PLEKHM3: variants seen among roughly 807,000 people sequenced by gnomAD.
PLEKHM3 encodes the protein pleckstrin homology domain-containing family M member 3.
PLEKHM3 carries 45 observed loss-of-function variants against 81.8 expected under a neutral mutation model. The observed-to-expected ratio is 0.55, with a 90% CI of 0.43 to 0.71. The LOEUF (loss-of-function observed/expected upper bound fraction) is 0.71. Ranked by LOEUF, PLEKHM3 falls within the 30% of genes least tolerant of loss-of-function variation. The pLI is 0.00. For missense variants in PLEKHM3, 788 were observed against 924.3 expected (o/e 0.85, Z 1.91); for synonymous variants, 352 against 356.4 (o/e 0.99, Z 0.14).
chr2:207,988,488 T>C (rs1353009130), intron 2 of PLEKHM3, among the ~76,000 whole-genome samples: 1 of 152,230 alleles, frequency 6.6e-6, no homozygotes, highest in African/African-American at 2.4e-5. Flanking sequence ...CAACAGATGT[T>C]TTCTGTTTCA....
chr2:207,861,454 T>C (rs1173349854), intron 6 of PLEKHM3, among the ~76,000 whole-genome samples, 192 bp from the exon 7 acceptor site: 1 of 152,120 alleles, frequency 6.6e-6, no homozygotes, highest in Non-Finnish European at 1.5e-5. Flanking sequence ...CCACTGGAGG[T>C]TGTAAATTAA....
At chr2:208,015,365 A>G (rs1204970808) in intron 1 of PLEKHM3, among the ~76,000 whole-genome samples, 3 of 152,152 alleles carry the variant, frequency 2.0e-5, no homozygotes, top group Admixed American at 1.3e-4. Context: ...AGTGTCAAAC[A>G]CCAGCAACTT....
At chr2:208,006,911 CCTAA>C (rs1164277396) in intron 1 of PLEKHM3, among the ~76,000 whole-genome samples, 1 of 152,180 alleles carries the variant, frequency 6.6e-6, no homozygotes, top group Admixed American at 6.5e-5. Context: ...ATCGCTATTT[CCTAA>C]CTAAGAAATC....
At position 207,833,917 on chromosome 2, in the gene PLEKHM3, G is replaced by A. The variant is rs76659496; in HGVS notation, c.2109-5421C>T. On this transcript the variant is annotated intron_variant, in intron 7 of 7. Transcript: ENST00000427836. ...TTATTCATTTAACTTTCACAAGTACGTATTTTAAACACATCATTTGATTAA... is the reference window on the plus strand; with the variant it reads ...TTATTCATTTAACTTTCACAAGTACATATTTTAAACACATCATTTGATTAA... Among the ~76,000 whole-genome samples the A allele has an allele frequency of 2.4e-3, 371 of 152,242 alleles. 3 individuals carry two copies. Among genetic ancestry groups the A allele is most frequent in the African/African-American group, 7.9e-3 (327 of 41,538 alleles).
intron 3 of PLEKHM3, among the ~76,000 whole-genome samples, chr2:207,958,777 G>A (rs1041221997): frequency 2.0e-5 from 3 of 152,154 alleles, no homozygotes; most frequent in African/African-American, 4.8e-5. Flanking sequence ...AGGCATGGTG[G>A]CACACGCCTA....
At chr2:207,986,074 C>T (rs529398110) in intron 2 of PLEKHM3, among the ~76,000 whole-genome samples, 9 of 151,872 alleles carry the variant, frequency 5.9e-5, no homozygotes, top group South Asian at 4.2e-4. Context: ...CTGGGCTGCC[C>T]GGGTCAGAAT....
At chr2:207,887,912 T>C (rs892705111) in intron 6 of PLEKHM3, among the ~76,000 whole-genome samples, 11 of 152,214 alleles carry the variant, frequency 7.2e-5, no homozygotes, top group African/African-American at 1.9e-4. Flanking sequence ...GATAAGGTTA[T>C]ATTGGAAATT....
chr2:207,861,368 C>T, intron 6 of PLEKHM3, 106 bp from the exon 7 acceptor site: 2 of 1,238,620 alleles, frequency 1.6e-6, no homozygotes, highest in East Asian at 4.9e-5. Flanking sequence ...AGGAAAACCT[C>T]TAATTATAAT....
intron 7 of PLEKHM3, among the ~76,000 whole-genome samples, chr2:207,837,656 T>C (rs1303954570): frequency 1.7e-5 from 2 of 115,306 alleles, no homozygotes. Context: ...TTTTTTGAGA[T>C]GGAGTCAGGC....
intron 2 of PLEKHM3, among the ~76,000 whole-genome samples, chr2:207,987,035 C>G (rs1691748424): frequency 6.6e-6 from 1 of 152,072 alleles, no homozygotes; most frequent in Admixed American, 6.5e-5. Flanking sequence ...CACTTCAGAA[C>G]AAAGATATTC....
At chr2:207,937,023 T>C (rs2105951196) in intron 4 of PLEKHM3, among the ~76,000 whole-genome samples, 1 of 152,294 alleles carries the variant, frequency 6.6e-6, no homozygotes, top group South Asian at 2.1e-4. Flanking sequence ...AAAATATCTC[T>C]GGAAGGATAC....
chr2:207,882,885 A>G (rs1687745427), intron 6 of PLEKHM3, among the ~76,000 whole-genome samples: 1 of 151,278 alleles, frequency 6.6e-6, no homozygotes, highest in South Asian at 2.1e-4. Flanking sequence ...AGTAGTTGGG[A>G]TTACAGGTGC....
At chr2:207,863,953 T>C (rs1364819619) in intron 6 of PLEKHM3, among the ~76,000 whole-genome samples, 1 of 151,432 alleles carries the variant, frequency 6.6e-6, no homozygotes, top group Non-Finnish European at 1.5e-5. Flanking sequence ...CACAACTATA[T>C]ACAAAGTTTA....
At chr2:207,891,614 C>T (rs571909563) in intron 6 of PLEKHM3, among the ~76,000 whole-genome samples, 1 of 152,274 alleles carries the variant, frequency 6.6e-6, no homozygotes, top group Non-Finnish European at 1.5e-5. Flanking sequence ...CAATTGTTTA[C>T]TTGAACTCGG....
At chr2:208,023,200 G>A (rs1193952370) in intron 1 of PLEKHM3, among the ~76,000 whole-genome samples, 1 of 150,000 alleles carries the variant, frequency 6.7e-6, no homozygotes, top group Non-Finnish European at 1.5e-5. Context: ...GCTGGTGTGC[G>A]TGGCGTAATC....
intron 6 of PLEKHM3, among the ~76,000 whole-genome samples, chr2:207,876,480 T>C (rs2092560588): frequency 1.3e-5 from 2 of 152,234 alleles, no homozygotes; most frequent in Non-Finnish European, 2.9e-5. Flanking sequence ...TATCAATGAA[T>C]CTGTCATGAC....
intron 7 of PLEKHM3, among the ~76,000 whole-genome samples, chr2:207,852,011 CA>C (rs2092415532): frequency 6.6e-6 from 1 of 152,088 alleles, no homozygotes; most frequent in South Asian, 2.1e-4. Flanking sequence ...ATCTTTCCCC[CA>C]AACCAATCTA....
chr2:207,919,055 T>A (rs1172637248), intron 5 of PLEKHM3, among the ~76,000 whole-genome samples: 1 of 152,066 alleles, frequency 6.6e-6, no homozygotes, highest in African/African-American at 2.4e-5. Context: ...AACACAGTGG[T>A]AAAGGATGCT....
In PLEKHM3 at chr2:208,001,694, T is replaced by G; in HGVS notation, c.-55A>C. 6.4e-7 allele frequency: 1 copy of G among 1,554,510 alleles called. No individual in the cohort carries two copies. The highest frequency in any genetic ancestry group is 1.4e-5 in the African/African-American group (1 of 72,674). On this transcript the variant is annotated 5_prime_UTR_variant, in exon 2 of 8. An upstream start codon of the reference 5' UTR is lost. Transcript: ENST00000427836. Reference sequence around the variant, plus strand: ...TAAGCTGGTTCCAGAAATGGCTTCATGAACATTCACCCAACCAAGAGGGGT... The same window carrying G: ...TAAGCTGGTTCCAGAAATGGCTTCAGGAACATTCACCCAACCAAGAGGGGT...
Sources: gnomAD v4.1 joint callset for allele counts (sites outside exome capture counted in the v4.1 genomes callset) on GRCh38, gnomAD v4.1.1 for gene constraint, MANE v1.5 for transcripts, NCBI Gene and HGNC (gene_info 2026-07-23, HGNC 2026-07-21) for gene names.